Variants in SMAD2 observed in about 807,000 individuals in gnomAD.
SMAD2 encodes the protein MAD homolog 2.
Under a neutral mutation model 64.4 loss-of-function variants are expected in SMAD2, and 8 were observed. The ratio of observed to expected loss-of-function variants is 0.12; its 90% CI spans 0.07 to 0.22. SMAD2 has a LOEUF of 0.22. Among genes scored for constraint, SMAD2 ranks in the 10% least tolerant of loss-of-function variants. SMAD2 has a pLI of 1.00. For missense variants in SMAD2, 289 were observed against 561.2 expected (o/e 0.51, Z 4.90); for synonymous variants, 203 against 195.8 (o/e 1.04, Z -0.31).
chr18:47,855,078 T>A (rs951217737), intron 6 of SMAD2, among the ~76,000 whole-genome samples: 6 of 152,218 alleles, frequency 3.9e-5, no homozygotes, highest in Non-Finnish European at 7.3e-5. Flanking sequence ...TTCTCCAGAA[T>A]GTCATATATA....
rs1914471602 is a variant in SMAD2 at position 47,846,179 on chromosome 18, C to T, written c.998-379G>A. On this transcript the variant is annotated intron_variant, in intron 8 of 10. Transcript: ENST00000262160. Reference sequence around the variant, plus strand: ...ATTACAACTGTAGTTTCTTAGAGATCCCACTTAATGTTAAGAAAAAAGATG... The same window carrying T: ...ATTACAACTGTAGTTTCTTAGAGATTCCACTTAATGTTAAGAAAAAAGATG... Among the ~76,000 whole-genome samples the T allele has an allele frequency of 2.0e-5, 3 of 152,068 alleles. No homozygotes were observed. In the South Asian group the frequency reaches 6.2e-4, roughly 32 times the overall value.
chr18:47,925,226 C>T (rs1175609350), intron 1 of SMAD2, among the ~76,000 whole-genome samples: 1 of 152,198 alleles, frequency 6.6e-6, no homozygotes, highest in Non-Finnish European at 1.5e-5. Context: ...TGAAAAATGA[C>T]AGGGCTACCT....
chr18:47,869,933 G>A (rs1020995265), intron 3 of SMAD2, among the ~76,000 whole-genome samples: 1 of 152,014 alleles, frequency 6.6e-6, no homozygotes, highest in Non-Finnish European at 1.5e-5. Flanking sequence ...GAGAACTGAG[G>A]TATATTTATG....
intron 1 of SMAD2, among the ~76,000 whole-genome samples, chr18:47,910,887 G>A (rs1358889596): frequency 6.6e-6 from 1 of 152,120 alleles, no homozygotes; most frequent in Non-Finnish European, 1.5e-5. Context: ...ATTCTTCACT[G>A]TGCAGGACAG....
chr18:47,858,734 T>C (rs140450379), intron 6 of SMAD2, among the ~76,000 whole-genome samples: 27 of 152,232 alleles, frequency 1.8e-4, no homozygotes, highest in African/African-American at 6.5e-4. Context: ...ATAAGTACAA[T>C]GTAATCACGA....
rs1452385278 is a variant in SMAD2, at chr18:47,833,934, A to G, written c.*7893T>C. The G allele has an allele frequency of 8.9e-6, 2 of 225,448 alleles. No individual in the cohort carries two copies. The highest frequency in any genetic ancestry group is 4.5e-5 in the African/African-American group (2 of 44,668). The allele number at this position is 225,448 out of a possible 1,614,324, so 14.0% of individuals were successfully genotyped here. A position where few individuals can be genotyped will look rare whatever the true frequency, so the allele number is the denominator to read the frequency against. On this transcript the variant is annotated 3_prime_UTR_variant, in exon 11 of 11. Coordinates refer to ENST00000262160, the MANE Select transcript of SMAD2 (RefSeq NM_005901.6). The stretch of plus-strand genomic sequence containing the variant: ...AAGGACGCATGATTTGTACTTACAT[A>G]TACACATAGGTTCAGAAGAACTTAG...
In SMAD2 at chr18:47,845,789, G is replaced by A. The variant is rs1040132520; in HGVS notation, c.1009C>T (p.Arg337Cys). The part of the protein sequence containing the change: ...MTRRHIGRGV[R>C]LYYIGGEVFA... ...ACTTCCCCACCTATGTAGTATAAGCGCACTCCTCTTCCTGAAACAAAATAC... is the reference window on the plus strand; with the variant it reads ...ACTTCCCCACCTATGTAGTATAAGCACACTCCTCTTCCTGAAACAAAATAC... The change falls in exon 9 of 11, where the codon CGC (arginine) becomes TGC (cysteine). Residue 337 changes from arginine to cysteine, a missense_variant. Arg to Cys is a radical substitution (Grantham distance 180). Coordinates refer to ENST00000262160, the MANE Select transcript of SMAD2 (RefSeq NM_005901.6). 1 of 1,613,502 alleles carries A rather than the reference G, an allele frequency of 6.2e-7. No individual in the cohort carries two copies. The highest frequency in any genetic ancestry group is 8.5e-7 in the Non-Finnish European group (1 of 1,179,550).
chr18:47,857,960 G>A (rs932912494), intron 6 of SMAD2, among the ~76,000 whole-genome samples: 8 of 152,232 alleles, frequency 5.3e-5, no homozygotes, highest in African/African-American at 1.7e-4. Flanking sequence ...CCTGAGTGAT[G>A]TGACATTAAA....
rs1224282163 is a variant in SMAD2, at chr18:47,814,006, A to G, written c.*27821T>C. 6.6e-6 allele frequency: 1 copy of G among 152,042 alleles called. No homozygotes were observed. Among genetic ancestry groups the G allele is most frequent in the Non-Finnish European group, 1.5e-5 (1 of 68,030 alleles). The allele number at this position is 152,042 out of a possible 1,614,324, so 9.4% of individuals were successfully genotyped here. On this transcript the variant is annotated 3_prime_UTR_variant, in exon 11 of 11. Coordinates refer to ENST00000262160, the MANE Select transcript of SMAD2 (RefSeq NM_005901.6). ...AGAAAAGTCTGTGGTGGAGGTGATAACCTGAACTTGGCTTTGAGGAATAAA... is the reference window on the plus strand; with the variant it reads ...AGAAAAGTCTGTGGTGGAGGTGATAGCCTGAACTTGGCTTTGAGGAATAAA...
chr18:47,883,754 T>C (rs1039739020), intron 2 of SMAD2, among the ~76,000 whole-genome samples: 1 of 152,228 alleles, frequency 6.6e-6, no homozygotes, highest in Non-Finnish European at 1.5e-5. Flanking sequence ...GCGTGCCATT[T>C]TTCACCAGCT....
chr18:47,891,908 G>GA (rs200789954), intron 2 of SMAD2, among the ~76,000 whole-genome samples: 189 of 150,104 alleles, frequency 1.3e-3, no homozygotes, highest in Admixed American at 2.1e-3. Context: ...ATAAATACTA[G>GA]AAAAAAAAAT....
At chr18:47,911,162 C>A (rs935112910) in intron 1 of SMAD2, among the ~76,000 whole-genome samples, 1 of 151,838 alleles carries the variant, frequency 6.6e-6, no homozygotes, top group Non-Finnish European at 1.5e-5. Flanking sequence ...ACTAGCCTGA[C>A]CAACATGGTG....
rs72661151 is a variant in SMAD2 at position 47,839,769 on chromosome 18, C to G, written c.*2058G>C. ...ATCAGGAGTTTCCTTTAGTGTGAAC[C>G]TTTTTGCATTTGATGCTATTCTCTT... On this transcript the variant is annotated 3_prime_UTR_variant, in exon 11 of 11. Coordinates refer to ENST00000262160, the MANE Select transcript of SMAD2 (RefSeq NM_005901.6). The G allele has an allele frequency of 1.7e-5, 4 of 233,176 alleles. No homozygotes were observed. In the South Asian group the frequency reaches 7.3e-4, roughly 42 times the overall value. 14.4% of individuals were successfully genotyped at this position (233,176 alleles called of 1,614,324 possible).
intron 2 of SMAD2, 150 bp from the exon 3 acceptor site, chr18:47,870,714 T>C: frequency 1.4e-6 from 1 of 694,878 alleles, no homozygotes; most frequent in Non-Finnish European, 2.6e-6. Flanking sequence ...CATGTAGTGC[T>C]GGTTACTATA....
chr18:47,880,567 A>C (rs2032528071), intron 2 of SMAD2, among the ~76,000 whole-genome samples: 1 of 152,190 alleles, frequency 6.6e-6, no homozygotes, highest in Non-Finnish European at 1.5e-5. Flanking sequence ...CTTATTACTG[A>C]GTTTTCCAAT....
Position 47,841,542 on chromosome 18 carries a change from T to G in SMAD2, c.*285A>C, listed in dbSNP as rs1305654539. ...CCTGTACACATAACTACTACTGTTA[T>G]TAATAAACCTTTGGGACACTCAGTT... On this transcript the variant is annotated 3_prime_UTR_variant, in exon 11 of 11. Transcript: ENST00000262160. The G allele has an allele frequency of 2.1e-6, 1 of 482,202 alleles. No individual in the cohort carries two copies. The highest frequency in any genetic ancestry group is 3.8e-6 in the Non-Finnish European group (1 of 261,990). The allele number at this position is 482,202 out of a possible 1,614,324, so 29.9% of individuals were successfully genotyped here.
At chr18:47,889,664 A>G (rs900357579) in intron 2 of SMAD2, among the ~76,000 whole-genome samples, 5 of 151,792 alleles carry the variant, frequency 3.3e-5, no homozygotes, top group South Asian at 2.1e-4. Context: ...CCAGCTACTC[A>G]GGAGGCTGAG....
Position 47,918,356 on chromosome 18 carries a change from G to A in SMAD2, c.-54+12005C>T, listed in dbSNP as rs1036270632. ...CCCAAATACTAGCAGCCAGACCTCC[G>A]CCCAGTTATTCAGATCAAAAGACTT... is the stretch of plus-strand genomic sequence containing the variant. On this transcript the variant is annotated intron_variant, in intron 1 of 10. Transcript: ENST00000262160. Among the ~76,000 whole-genome samples, 13 of 152,194 alleles carry A rather than the reference G, an allele frequency of 8.5e-5. No individual in the cohort carries two copies. In the East Asian group the frequency reaches 9.6e-4, roughly 11 times the overall value.
chr18:47,915,627 A>G (rs547255978), intron 1 of SMAD2, among the ~76,000 whole-genome samples: 9 of 152,320 alleles, frequency 5.9e-5, no homozygotes, highest in Admixed American at 5.9e-4. Context: ...ATATACACAC[A>G]CACTTTGCTA....
Sources: allele counts gnomAD v4.1 joint callset (sites outside exome capture counted in the v4.1 genomes callset), GRCh38; gene constraint gnomAD v4.1.1; transcripts MANE v1.5; gene names NCBI Gene and HGNC (gene_info 2026-07-23, HGNC 2026-07-21).